Variants in ABCC4 observed in about 807,000 individuals in gnomAD.
ABCC4 encodes the protein ATP binding cassette subfamily C member 4 (PEL blood group), also known as ATP-binding cassette sub-family C member 4.
ABCC4 carries 102 observed loss-of-function variants against 168.5 expected under a neutral mutation model. That is an observed-to-expected ratio of 0.61 (90% confidence interval 0.52 to 0.71). ABCC4 has a LOEUF of 0.71. ABCC4 is among the 30% of genes least tolerant of loss of function. The pLI is 0.00. For missense variants in ABCC4, 1,402 were observed against 1,605.8 expected (o/e 0.87, Z 2.17); for synonymous variants, 617 against 590.7 (o/e 1.04, Z -0.65).
At chr13:95,083,425 A>G (rs1181670473) in intron 20 of ABCC4, 135 bp from the exon 21 acceptor site, 4 of 1,013,506 alleles carry the variant, frequency 3.9e-6, no homozygotes, top group Admixed American at 2.8e-5. Flanking sequence ...TTTCCATACA[A>G]AGGAATAACA....
At chr13:95,041,852 A>G (rs1275279625) in intron 29 of ABCC4, among the ~76,000 whole-genome samples, 2 of 152,190 alleles carry the variant, frequency 1.3e-5, no homozygotes, top group Non-Finnish European at 2.9e-5. Context: ...CCCAATCTCA[A>G]GCTACAGAAT....
intron 1 of ABCC4, among the ~76,000 whole-genome samples, chr13:95,299,956 C>A (rs1414960616): frequency 6.6e-6 from 1 of 152,196 alleles, no homozygotes; most frequent in Non-Finnish European, 1.5e-5. Context: ...ATTCCCCTGC[C>A]TCAGCCTCCT....
Position 95,112,903 on chromosome 13 carries a change from G to A in ABCC4, c.2535+3019C>T, listed in dbSNP as rs183477138. ...CACAAAACCCAGGGCCCCAGTGTCC[G>A]AAGCATGTTTTGCTAAGGATGTTAA... On this transcript the variant is annotated intron_variant, in intron 20 of 30. Transcript: ENST00000645237. 4.3e-3 allele frequency among the ~76,000 whole-genome samples: 649 copies of A among 152,230 alleles called. 5 individuals are homozygous for A. Among genetic ancestry groups the A allele is most frequent in the Non-Finnish European group, 4.8e-3 (326 of 68,006 alleles).
At chr13:95,092,254 T>C (rs1249514704) in intron 20 of ABCC4, among the ~76,000 whole-genome samples, 3 of 152,090 alleles carry the variant, frequency 2.0e-5, no homozygotes, top group Non-Finnish European at 4.4e-5. Context: ...GACAGATCAT[T>C]AAGACAAAAA....
intron 1 of ABCC4, among the ~76,000 whole-genome samples, chr13:95,262,252 C>G (rs1178089820): frequency 6.6e-6 from 1 of 152,162 alleles, no homozygotes. Flanking sequence ...GCAAAGAAGT[C>G]AACGTGTTGA....
At chr13:95,071,969 G>A in intron 24 of ABCC4, 116 bp from the exon 25 acceptor site, 1 of 774,292 alleles carries the variant, frequency 1.3e-6, no homozygotes, top group Non-Finnish European at 1.9e-6. Context: ...GAGAGAAGCA[G>A]GAGACAGACG....
rs116968875 is a variant in ABCC4 at position 95,079,413 on chromosome 13, C to A, written c.2686+3727G>T. On this transcript the variant is annotated intron_variant, in intron 21 of 30. Coordinates refer to ENST00000645237, the MANE Select transcript of ABCC4 (RefSeq NM_005845.5). ...TGTGTAGGACCTCTCAGGGTTATTA[C>A]GGTTTTAATTCTCAAGGCTATAGTG... Among the ~76,000 whole-genome samples, 700 of 152,314 alleles carry A rather than the reference C, an allele frequency of 4.6e-3. 6 individuals are homozygous for A. The highest frequency in any genetic ancestry group is 7.1e-3 in the Non-Finnish European group (485 of 68,034).
intron 29 of ABCC4, among the ~76,000 whole-genome samples, chr13:95,036,401 C>G (rs1487262626): frequency 6.6e-6 from 1 of 152,004 alleles, no homozygotes; most frequent in African/African-American, 2.4e-5. Context: ...TAAATTTATT[C>G]ACATTTGAGT....
chr13:95,208,912 G>C (rs748492393), intron 6 of ABCC4, among the ~76,000 whole-genome samples: 1 of 152,110 alleles, frequency 6.6e-6, no homozygotes, highest in Non-Finnish European at 1.5e-5. Context: ...CAGCCACCAC[G>C]ACCAGCTAAC....
At chr13:95,072,698 A>G (rs1014539692) in intron 24 of ABCC4, among the ~76,000 whole-genome samples, 2 of 152,242 alleles carry the variant, frequency 1.3e-5, no homozygotes, top group South Asian at 4.1e-4. Flanking sequence ...TGACTAGCAC[A>G]TTCCAAGAGG....
At chr13:95,099,625 T>C (rs1211130701) in intron 20 of ABCC4, among the ~76,000 whole-genome samples, 1 of 152,078 alleles carries the variant, frequency 6.6e-6, no homozygotes, top group African/African-American at 2.4e-5. Context: ...CTCAGGTGCA[T>C]TGAGGGTGGG....
chr13:95,117,860 C>T (rs1190632851), intron 19 of ABCC4, among the ~76,000 whole-genome samples: 33 of 151,638 alleles, frequency 2.2e-4, no homozygotes, highest in Non-Finnish European at 7.4e-5. Flanking sequence ...GGGAGCATTG[C>T]TTGAGCTCAA....
Position 95,115,926 on chromosome 13 carries a change from A to G in ABCC4, c.2531T>C (p.Ile844Thr). 1 of 1,611,482 alleles carries G rather than the reference A, an allele frequency of 6.2e-7. No homozygotes were observed. Among genetic ancestry groups the G allele is most frequent in the Non-Finnish European group, 8.5e-7 (1 of 1,178,998 alleles). The stretch of plus-strand genomic sequence containing the variant: ...TGACATTACTCTCAACGTTACCTGG[A>G]TGAAATCTAAAAACGTCAGCGGCAG... Reference protein sequence around the residue: ...DLLPLTFLDFIQTLLQVVGVV... With the variant: ...DLLPLTFLDFTQTLLQVVGVV... The change falls in exon 20 of 31, where the codon ATC becomes ACC. Residue 844 changes from isoleucine to threonine, a missense_variant. Physicochemically the swap from Ile to Thr is moderately conservative, Grantham distance 89. This residue lies in a region of ABCC4 where 1,007 missense variants were observed against 1,127.3 expected (regional missense o/e 0.89). Coordinates refer to ENST00000645237, the MANE Select transcript of ABCC4 (RefSeq NM_005845.5).
intron 4 of ABCC4, among the ~76,000 whole-genome samples, chr13:95,230,088 G>T (rs2039578711): frequency 6.6e-6 from 1 of 152,228 alleles, no homozygotes; most frequent in Non-Finnish European, 1.5e-5. Context: ...ACATGAGCAA[G>T]TACAATGTTC....
intron 20 of ABCC4, among the ~76,000 whole-genome samples, chr13:95,099,303 A>C (rs2034715782): frequency 6.6e-6 from 1 of 152,200 alleles, no homozygotes; most frequent in Non-Finnish European, 1.5e-5. Context: ...CAGGAAAACT[A>C]ATTGATGTTG....
chr13:95,171,408 T>G (rs957860289), intron 13 of ABCC4, among the ~76,000 whole-genome samples: 1 of 150,240 alleles, frequency 6.7e-6, no homozygotes, highest in African/African-American at 2.4e-5. Context: ...AAAAAAAAAA[T>G]TAGCCGGGTG....
chr13:95,242,384 T>C (rs1330390049), intron 3 of ABCC4, among the ~76,000 whole-genome samples: 9 of 152,142 alleles, frequency 5.9e-5, no homozygotes, highest in Non-Finnish European at 1.3e-4. Context: ...CCCACCACCA[T>C]GCCCAGCTAA....
chr13:95,089,358 A>G (rs369830422), intron 20 of ABCC4, among the ~76,000 whole-genome samples: 95 of 152,300 alleles, frequency 6.2e-4, no homozygotes, highest in Non-Finnish European at 1.2e-3. Flanking sequence ...GGTGACTCAC[A>G]CCTGTAATCC....
At chr13:95,239,480 A>G (rs1006595649) in intron 3 of ABCC4, among the ~76,000 whole-genome samples, 1 of 152,234 alleles carries the variant, frequency 6.6e-6, no homozygotes, top group Non-Finnish European at 1.5e-5. Flanking sequence ...AAAACTGTTC[A>G]GGGAGCCTAA....
Sources: gnomAD v4.1 joint callset for allele counts (sites outside exome capture counted in the v4.1 genomes callset) on GRCh38, gnomAD v4.1.1 for gene constraint, gnomAD v4.1.1 regional missense constraint, MANE v1.5 for transcripts, NCBI Gene and HGNC (gene_info 2026-07-23, HGNC 2026-07-21) for gene names.